FBXL17: variants seen among roughly 807,000 people sequenced by gnomAD.
The protein encoded by FBXL17 is F-box/LRR-repeat protein 17.
Under a neutral mutation model 66.2 loss-of-function variants are expected in FBXL17, and 22 were observed. The ratio of observed to expected loss-of-function variants is 0.33; its 90% confidence interval spans 0.24 to 0.47. The LOEUF is 0.47. FBXL17 is among the 20% of genes least tolerant of loss of function. FBXL17 has a pLI of 1.00. For missense variants in FBXL17, 878 were observed against 948.2 expected (o/e 0.93, Z 0.97); for synonymous variants, 474 against 400.5 (o/e 1.18, Z -2.19).
intron 6 of FBXL17, among the ~76,000 whole-genome samples, chr5:108,128,729 T>C (rs748995922): frequency 6.6e-6 from 1 of 152,148 alleles, no homozygotes; most frequent in Non-Finnish European, 1.5e-5. Flanking sequence ...TTTAAAATTT[T>C]AATGAGATAT....
chr5:108,102,328 C>A (rs1320014168), intron 6 of FBXL17, among the ~76,000 whole-genome samples: 3 of 152,102 alleles, frequency 2.0e-5, no homozygotes, highest in Non-Finnish European at 4.4e-5. Context: ...TTTTAATTTT[C>A]TTTTACTAAA....
At chr5:107,989,944 T>C (rs577848750) in intron 7 of FBXL17, among the ~76,000 whole-genome samples, 46 of 152,322 alleles carry the variant, frequency 3.0e-4, no homozygotes, top group African/African-American at 1.1e-3. Flanking sequence ...TGCTGGGCTC[T>C]AGAAGAAAGC....
chr5:107,981,362 G>T (rs1012646733), intron 7 of FBXL17, among the ~76,000 whole-genome samples: 1 of 152,228 alleles, frequency 6.6e-6, no homozygotes, highest in South Asian at 2.1e-4. Context: ...CATCTGTGCT[G>T]GTCACGGATA....
At chr5:108,131,610 G>A (rs1750934719) in intron 6 of FBXL17, among the ~76,000 whole-genome samples, 3 of 152,056 alleles carry the variant, frequency 2.0e-5, no homozygotes, top group Admixed American at 2.0e-4. Flanking sequence ...TATTCTCAGA[G>A]CAGCAAGAGA....
At chr5:108,236,243 G>A (rs1400686019) in intron 4 of FBXL17, among the ~76,000 whole-genome samples, 3 of 151,502 alleles carry the variant, frequency 2.0e-5, no homozygotes, top group African/African-American at 4.9e-5. Flanking sequence ...CAGGCAGGGT[G>A]GCTCATGCCT....
In FBXL17 at chr5:108,091,943, A is replaced by C. The variant is rs114491976; in HGVS notation, c.1746-70942T>G. On this transcript the variant is annotated intron_variant, in intron 6 of 8. Transcript: ENST00000542267. ...ATTTAGTTTTAGTAACAGTAAAATA[A>C]TATATAACAGCATGTTTTCTTTGTT... is the stretch of plus-strand genomic sequence containing the variant. Among the ~76,000 whole-genome samples the C allele has an allele frequency of 3.9e-3, 591 of 152,360 alleles. 5 individuals are homozygous for C. Among genetic ancestry groups the C allele is most frequent in the African/African-American group, 0.014 (575 of 41,576 alleles).
intron 6 of FBXL17, among the ~76,000 whole-genome samples, chr5:108,104,696 C>G (rs1303944430): frequency 2.0e-5 from 3 of 152,138 alleles, no homozygotes; most frequent in Non-Finnish European, 4.4e-5. Context: ...AATAGATGAT[C>G]CACAGTTTTG....
intron 4 of FBXL17, among the ~76,000 whole-genome samples, chr5:108,253,174 C>G (rs1211184996): frequency 6.6e-6 from 1 of 152,106 alleles, no homozygotes; most frequent in Non-Finnish European, 1.5e-5. Context: ...CCAACCTGTA[C>G]TATATGAAAA....
intron 6 of FBXL17, among the ~76,000 whole-genome samples, chr5:108,154,648 C>CATATATATGTTTATATATATACACAT (rs202122522): frequency 8.6e-6 from 1 of 116,192 alleles, no homozygotes; most frequent in Non-Finnish European, 1.7e-5. Context: ...CACACACACA[C>CATATATATGTTTATATATATACACAT]ATATATGTAT....
At chr5:108,282,708 A>C (rs1422977101) in intron 4 of FBXL17, among the ~76,000 whole-genome samples, 1 of 151,710 alleles carries the variant, frequency 6.6e-6, no homozygotes, top group Admixed American at 6.6e-5. Context: ...AAACTGGAAA[A>C]GAAGTCAAAT....
At chr5:108,073,138 A>C (rs1561396737) in intron 6 of FBXL17, among the ~76,000 whole-genome samples, 1 of 152,180 alleles carries the variant, frequency 6.6e-6, no homozygotes, top group Non-Finnish European at 1.5e-5. Flanking sequence ...CAAAATAAAA[A>C]ATGAAAAACT....
chr5:107,917,130 G>A (rs190369548), intron 7 of FBXL17, among the ~76,000 whole-genome samples: 33 of 152,138 alleles, frequency 2.2e-4, no homozygotes, highest in Non-Finnish European at 4.1e-4. Context: ...TACTACCACC[G>A]CCACTACTAT....
intron 4 of FBXL17, among the ~76,000 whole-genome samples, chr5:108,317,536 TATTA>T (rs1447447329): frequency 6.6e-6 from 1 of 151,266 alleles, no homozygotes; most frequent in Non-Finnish European, 1.5e-5. Context: ...AAAATAGTAT[TATTA>T]ATTATCACTA....
At chr5:108,137,491 G>C (rs1751183408) in intron 6 of FBXL17, among the ~76,000 whole-genome samples, 1 of 152,024 alleles carries the variant, frequency 6.6e-6, no homozygotes, top group African/African-American at 2.4e-5. Context: ...ATGTTGGCAT[G>C]ATCACCTATT....
At chr5:108,216,756 C>A (rs11956578) in intron 5 of FBXL17, among the ~76,000 whole-genome samples, 1 of 152,102 alleles carries the variant, frequency 6.6e-6, no homozygotes, top group East Asian at 1.9e-4. Context: ...AAAAAGCAGC[C>A]TGAGAAAAAA....
intron 6 of FBXL17, among the ~76,000 whole-genome samples, chr5:108,085,422 C>G (rs1009016122): frequency 6.6e-6 from 1 of 152,194 alleles, no homozygotes; most frequent in Non-Finnish European, 1.5e-5. Flanking sequence ...ACTGGGAAAC[C>G]AAGGGATTCC....
chr5:108,262,349 A>G (rs1160199547), intron 4 of FBXL17, among the ~76,000 whole-genome samples: 1 of 152,026 alleles, frequency 6.6e-6, no homozygotes, highest in African/African-American at 2.4e-5. Flanking sequence ...AGATAAATAT[A>G]TATTTTTAAA....
chr5:107,904,460 C>T (rs907141822), intron 7 of FBXL17, among the ~76,000 whole-genome samples: 2 of 152,164 alleles, frequency 1.3e-5, no homozygotes, highest in African/African-American at 4.8e-5. Context: ...TCTTGCCCCA[C>T]TCCAACCTAG....
intron 6 of FBXL17, among the ~76,000 whole-genome samples, chr5:108,169,089 T>C (rs967515922): frequency 1.3e-5 from 2 of 152,138 alleles, no homozygotes; most frequent in African/African-American, 2.4e-5. Flanking sequence ...CAGGGCCTGC[T>C]TGGTAATACT....
Sources: gnomAD v4.1 joint callset for allele counts (sites outside exome capture counted in the v4.1 genomes callset) on GRCh38, gnomAD v4.1.1 for gene constraint, MANE v1.5 for transcripts, NCBI Gene and HGNC (gene_info 2026-07-23, HGNC 2026-07-21) for gene names.